The following NTRK3 variants were observed in gnomAD, a reference collection of about 807,000 sequenced individuals.
The protein encoded by NTRK3 is NT-3 growth factor receptor.
Under a neutral mutation model 91.7 loss-of-function variants are expected in NTRK3, and 24 were observed. The observed-to-expected ratio is 0.26, with a 90% CI of 0.19 to 0.37. The LOEUF (loss-of-function observed/expected upper bound fraction) is 0.37, where lower values mean the gene tolerates loss of function less well. NTRK3 is among the 10% of genes least tolerant of loss of function. NTRK3 has a pLI of 1.00. For missense variants in NTRK3, 880 were observed against 1,068.9 expected (o/e 0.82, Z 2.46); for synonymous variants, 483 against 404.0 (o/e 1.20, Z -2.34).
intron 15 of NTRK3, among the ~76,000 whole-genome samples, chr15:87,939,829 T>A (rs2069646408): frequency 6.6e-6 from 1 of 152,238 alleles, no homozygotes; most frequent in African/African-American, 2.4e-5. Context: ...ATGTTAACCA[T>A]GTTCAAAAAT....
exon 19 of NTRK3, chr15:87,876,152 C>T (rs962364966): frequency 6.4e-5 from 15 of 232,944 alleles, no homozygotes; most frequent in Admixed American, 1.7e-4. Context: ...AAGACACATC[C>T]TTTGCAACTC....
At position 88,010,069 on chromosome 15, in the gene NTRK3, T is replaced by C. The variant is rs1028509482; in HGVS notation, c.1585+22788A>G. On this transcript the variant is annotated intron_variant, in intron 14 of 18. Transcript: ENST00000394480. ...CAAAGCAAAAGCTCAGTGGCCATGT[T>C]GTCCATTTATTCTGTTCTCTGGCCT... 3.9e-5 allele frequency among the ~76,000 whole-genome samples: 6 copies of C among 152,218 alleles called. No individual in the cohort carries two copies. In the South Asian group the frequency reaches 1.2e-3, roughly 32 times the overall value.
At chr15:87,940,802 T>C (rs1242521603) in intron 14 of NTRK3, 49 bp from the exon 15 acceptor site, 5 of 1,613,452 alleles carry the variant, frequency 3.1e-6, no homozygotes, top group Non-Finnish European at 1.7e-6. Context: ...CCTCGTTTGG[T>C]GACACAGGGA....
At chr15:88,239,934 G>A (rs1251277829) in intron 3 of NTRK3, among the ~76,000 whole-genome samples, 3 of 152,096 alleles carry the variant, frequency 2.0e-5, no homozygotes, top group African/African-American at 7.2e-5. Flanking sequence ...GAAACTCTGG[G>A]GTGGGGCCCA....
chr15:88,076,200 G>A (rs111553805), intron 13 of NTRK3, among the ~76,000 whole-genome samples: 23 of 152,316 alleles, frequency 1.5e-4, no homozygotes, highest in African/African-American at 5.1e-4. Flanking sequence ...GTTTTACATG[G>A]TGGCAGGTAA....
chr15:88,215,456 G>T (rs926489735), intron 3 of NTRK3, among the ~76,000 whole-genome samples: 1 of 152,200 alleles, frequency 6.6e-6, no homozygotes, highest in South Asian at 2.1e-4. Flanking sequence ...GCTCCCCGTG[G>T]CTCCCCTGAA....
At chr15:88,116,609 C>A (rs564346213) in intron 13 of NTRK3, among the ~76,000 whole-genome samples, 1 of 152,124 alleles carries the variant, frequency 6.6e-6, no homozygotes, top group South Asian at 2.1e-4. Context: ...GTAACTTTAC[C>A]CCTTATTACT....
At chr15:88,044,571 G>GC (rs937722669) in intron 13 of NTRK3, among the ~76,000 whole-genome samples, 1 of 40,284 alleles carries the variant, frequency 2.5e-5, no homozygotes, top group African/African-American at 1.0e-4. Context: ...CACCACACCC[G>GC]CCCCCCCACC....
rs138741086 is a variant in NTRK3 at position 88,035,851 on chromosome 15, G to A, written c.1397-2806C>T. Among the ~76,000 whole-genome samples, 37 of 152,202 alleles carry A rather than the reference G, an allele frequency of 2.4e-4. 1 individual carries two copies. The South Asian group carries it at 5.0e-3, about 21-fold the overall frequency. On this transcript the variant is annotated intron_variant, in intron 13 of 18. Coordinates refer to ENST00000394480, the Ensembl canonical transcript of NTRK3. ...ATACAAGCAAGGCAATATTTAAAAC[G>A]TGAACAATTCAAGGGTAGTGAAGAG...
intron 15 of NTRK3, among the ~76,000 whole-genome samples, chr15:87,938,181 C>A (rs1161403215): frequency 1.3e-5 from 2 of 152,188 alleles, no homozygotes; most frequent in Non-Finnish European, 2.9e-5. Flanking sequence ...AATCCTGCTC[C>A]CTCTCCCCAG....
chr15:88,139,235 A>C (rs905133372), intron 6 of NTRK3, among the ~76,000 whole-genome samples: 3 of 152,308 alleles, frequency 2.0e-5, no homozygotes, highest in Admixed American at 1.3e-4. Context: ...CAATGGGATT[A>C]TTAAGGAGAC....
intron 17 of NTRK3, chr15:87,916,162 T>C (rs1466205240): frequency 2.4e-5 from 6 of 245,750 alleles, no homozygotes; most frequent in Non-Finnish European, 4.0e-5. Flanking sequence ...ATGAGGATTA[T>C]GAGAGAAATA....
rs148107964 is a variant in NTRK3 at position 88,080,442 on chromosome 15, T to C, written c.1396+45829A>G. ...ACTGATTTAATTAATGTTTCTTTGA[T>C]CCCTACTTAAGCTGAACAAATTTCC... is the stretch of plus-strand genomic sequence containing the variant. On this transcript the variant is annotated intron_variant, in intron 13 of 18. Transcript: ENST00000394480. Among the ~76,000 whole-genome samples, 55 of 152,326 alleles carry C rather than the reference T, an allele frequency of 3.6e-4. 1 individual carries two copies. The East Asian group carries it at 9.8e-3, about 27-fold the overall frequency.
chr15:88,067,904 C>T (rs2046790323), intron 13 of NTRK3, among the ~76,000 whole-genome samples: 8 of 152,192 alleles, frequency 5.3e-5, no homozygotes, highest in Admixed American at 3.3e-4. Context: ...ATGAAGACTA[C>T]TGCTCTTCAC....
chr15:88,058,284 T>TGA (rs1459343023), intron 13 of NTRK3, among the ~76,000 whole-genome samples: 1 of 152,214 alleles, frequency 6.6e-6, no homozygotes, highest in African/African-American at 2.4e-5. Context: ...ATTGACTAGA[T>TGA]GAGAGGCCTT....
intron 5 of NTRK3, among the ~76,000 whole-genome samples, chr15:88,152,021 C>A (rs2043425240): frequency 6.6e-6 from 1 of 152,172 alleles, no homozygotes; most frequent in South Asian, 2.1e-4. Context: ...CCTTACCCAG[C>A]CGGGCGCCGT....
At chr15:87,882,421 A>G (rs1234982006) in intron 17 of NTRK3, among the ~76,000 whole-genome samples, 2 of 152,222 alleles carry the variant, frequency 1.3e-5, no homozygotes, top group Non-Finnish European at 2.9e-5. Flanking sequence ...TGCAGAGCAA[A>G]TAAGCCACAA....
At chr15:88,175,850 T>G (rs971476644) in intron 5 of NTRK3, among the ~76,000 whole-genome samples, 7 of 152,204 alleles carry the variant, frequency 4.6e-5, no homozygotes, top group Non-Finnish European at 5.9e-5. Flanking sequence ...CAGAATCGAA[T>G]GTCAGGCCAT....
intron 14 of NTRK3, among the ~76,000 whole-genome samples, chr15:88,032,535 CAT>C (rs1226010721): frequency 6.6e-6 from 1 of 152,122 alleles, no homozygotes; most frequent in Non-Finnish European, 1.5e-5. Context: ...TTCCTAGTTA[CAT>C]AGGCCAGGTC....
Sources: gnomAD v4.1 joint callset for allele counts (sites outside exome capture counted in the v4.1 genomes callset) on GRCh38, gnomAD v4.1.1 for gene constraint, MANE v1.5 for transcripts, NCBI Gene and HGNC (gene_info 2026-07-23, HGNC 2026-07-21) for gene names.